TBC1D22B: variants seen among roughly 807,000 people sequenced by gnomAD.
TBC1D22B encodes the protein TBC1 domain family member 22B.
A neutral mutation model predicts 69.1 loss-of-function variants in TBC1D22B; 32 were observed. That is an observed-to-expected ratio of 0.46 (90% confidence interval 0.35 to 0.62). The LOEUF is 0.62. TBC1D22B is among the 20% of genes least tolerant of loss of function. The pLI is 0.00. For missense variants in TBC1D22B, 462 were observed against 630.9 expected, an observed-to-expected ratio of 0.73 and a Z score of 2.87; for synonymous variants, 206 against 229.8, an observed-to-expected ratio of 0.90 and a Z score of 0.94.
At chr6:37,330,222 C>CTTTTTTTTTTTTTTTTTTTTTTTTTT (rs67372032) in intron 12 of TBC1D22B, among the ~76,000 whole-genome samples, 1 of 75,582 alleles carries the variant, frequency 1.3e-5, no homozygotes, top group Non-Finnish European at 2.4e-5. Flanking sequence ...TTGTCCGTTT[C>CTTTTTTTTTTTTTTTTTTTTTTTTTT]TTTTTTTTTT....
At chr6:37,295,584 T>C (rs1767338463) in intron 8 of TBC1D22B, 2 of 436,228 alleles carry the variant, frequency 4.6e-6, no homozygotes, top group Non-Finnish European at 9.4e-6. Flanking sequence ...CTGATATTCA[T>C]CCAAATAATA....
intron 3 of TBC1D22B, 93 bp from the exon 4 acceptor site, chr6:37,282,092 G>A: frequency 7.0e-7 from 1 of 1,435,514 alleles, no homozygotes; most frequent in East Asian, 2.3e-5. Context: ...CACCCTTGGG[G>A]AGGAAACACA....
At chr6:37,263,876 G>A (rs759135349) in intron 1 of TBC1D22B, among the ~76,000 whole-genome samples, 2 of 152,156 alleles carry the variant, frequency 1.3e-5, no homozygotes, top group African/African-American at 2.4e-5. Flanking sequence ...GAGCCACTAT[G>A]ACCGGCCTAA....
intron 8 of TBC1D22B, among the ~76,000 whole-genome samples, chr6:37,310,169 T>C (rs1319957557): frequency 1.4e-5 from 2 of 147,494 alleles, no homozygotes; most frequent in African/African-American, 4.9e-5. Flanking sequence ...CTTACATATA[T>C]TTTAAAATAT....
chr6:37,317,005 C>A, intron 11 of TBC1D22B, 106 bp from the exon 12 acceptor site: 1 of 1,456,148 alleles, frequency 6.9e-7, no homozygotes, highest in Non-Finnish European at 9.4e-7. Context: ...TCCATCTCCC[C>A]AACCGTGAAA....
At chr6:37,271,328 A>C (rs1340248882) in intron 2 of TBC1D22B, among the ~76,000 whole-genome samples, 1 of 152,132 alleles carries the variant, frequency 6.6e-6, no homozygotes, top group Non-Finnish European at 1.5e-5. Flanking sequence ...ACAAAGCAAA[A>C]CAAAACAAAA....
intron 7 of TBC1D22B, among the ~76,000 whole-genome samples, chr6:37,290,799 G>A (rs1035591154): frequency 2.0e-5 from 3 of 151,548 alleles, no homozygotes; most frequent in African/African-American, 4.9e-5. Flanking sequence ...TGGTAGAAAA[G>A]GTATTTCCTG....
intron 8 of TBC1D22B, among the ~76,000 whole-genome samples, chr6:37,312,090 A>G (rs1249637125): frequency 2.0e-5 from 3 of 152,224 alleles, no homozygotes; most frequent in African/African-American, 7.2e-5. Flanking sequence ...GCTAACAGAT[A>G]GTCCTTTCCA....
chr6:37,287,519 A>G (rs1252336174), intron 7 of TBC1D22B, among the ~76,000 whole-genome samples: 1 of 152,128 alleles, frequency 6.6e-6, no homozygotes, highest in African/African-American at 2.4e-5. Context: ...CATCTTCCCA[A>G]ACTGGAACTC....
At chr6:37,280,436 C>T (rs975742871) in intron 3 of TBC1D22B, among the ~76,000 whole-genome samples, 35 of 152,304 alleles carry the variant, frequency 2.3e-4, no homozygotes, top group African/African-American at 8.2e-4. Flanking sequence ...GGAACTTTTT[C>T]GTGGCTGTAA....
At chr6:37,328,375 G>A (rs1045168808) in intron 12 of TBC1D22B, among the ~76,000 whole-genome samples, 5 of 152,068 alleles carry the variant, frequency 3.3e-5, no homozygotes, top group African/African-American at 9.7e-5. Context: ...TTCATTTCTA[G>A]GAATTTGGCT....
At chr6:37,328,088 C>T (rs369890342) in intron 12 of TBC1D22B, among the ~76,000 whole-genome samples, 3 of 138,912 alleles carry the variant, frequency 2.2e-5, no homozygotes, top group South Asian at 4.3e-4. Context: ...CTGAGGCGGG[C>T]GGATCACCTG....
At chr6:37,261,363 C>T (rs576927886) in intron 1 of TBC1D22B, among the ~76,000 whole-genome samples, 110 of 146,636 alleles carry the variant, frequency 7.5e-4, no homozygotes, top group Non-Finnish European at 1.2e-3. Context: ...ACCTGGGAGA[C>T]GGAGGTTGCA....
intron 12 of TBC1D22B, among the ~76,000 whole-genome samples, chr6:37,329,991 A>G (rs1389597716): frequency 6.6e-6 from 1 of 152,230 alleles, no homozygotes; most frequent in Non-Finnish European, 1.5e-5. Flanking sequence ...CAAGACCTTT[A>G]CACTGAGAAC....
In TBC1D22B at chr6:37,323,370, A is replaced by T. The variant is rs574921575; in HGVS notation, c.1389+6164A>T. On this transcript the variant is annotated intron_variant, in intron 12 of 12. Transcript: ENST00000373491. The stretch of plus-strand genomic sequence containing the variant: ...TAGGGAGACCCTGTCTCTAAAAAAA[A>T]TATTTAAAAATTAGCCAGGCATGGT... 3.3e-5 allele frequency among the ~76,000 whole-genome samples: 5 copies of T among 152,286 alleles called. No individual in the cohort carries two copies. In the South Asian group the frequency reaches 1.0e-3, roughly 32 times the overall value.
At chr6:37,325,532 C>G (rs1467821823) in intron 12 of TBC1D22B, among the ~76,000 whole-genome samples, 1 of 137,310 alleles carries the variant, frequency 7.3e-6, no homozygotes, top group Non-Finnish European at 1.5e-5. Context: ...CCATAATTAT[C>G]GTTTCTACTT....
chr6:37,304,394 A>G (rs1767648892), intron 8 of TBC1D22B, among the ~76,000 whole-genome samples: 1 of 152,226 alleles, frequency 6.6e-6, no homozygotes, highest in African/African-American at 2.4e-5. Flanking sequence ...CAACCCTAAT[A>G]TCAGCTAATA....
intron 7 of TBC1D22B, among the ~76,000 whole-genome samples, chr6:37,290,828 C>CAA (rs35844447): frequency 2.8e-5 from 4 of 142,450 alleles, no homozygotes; most frequent in African/African-American, 5.2e-5. Flanking sequence ...CTATAATGAC[C>CAA]AAAAAAAAAA....
intron 1 of TBC1D22B, among the ~76,000 whole-genome samples, chr6:37,265,402 T>A (rs1766238961): frequency 6.6e-6 from 1 of 152,218 alleles, no homozygotes; most frequent in East Asian, 1.9e-4. Flanking sequence ...CTAACCGGCC[T>A]GTTGAGATCT....
Sources: allele counts gnomAD v4.1 joint callset (sites outside exome capture counted in the v4.1 genomes callset), GRCh38; gene constraint gnomAD v4.1.1; transcripts MANE v1.5; gene names NCBI Gene and HGNC (gene_info 2026-07-23, HGNC 2026-07-21).